Variants in RFX3 observed in about 807,000 individuals in gnomAD.
RFX3 encodes regulatory factor X3.
A neutral mutation model predicts 98.6 loss-of-function variants in RFX3; 14 were observed. That is an observed-to-expected ratio of 0.14 (90% CI 0.09 to 0.22). RFX3 has a LOEUF of 0.22. Ranked by LOEUF, RFX3 falls within the 10% of genes least tolerant of loss-of-function variation. The pLI is 1.00. For synonymous variants in RFX3, 383 were observed against 328.4 expected, an observed-to-expected ratio of 1.17 and a Z score of -1.80; for missense variants, 639 against 926.9, an observed-to-expected ratio of 0.69 and a Z score of 4.03.
Position 3,220,566 on chromosome 9 carries a change from C to G in RFX3, c.*4476G>C, listed in dbSNP as rs1156290303. The G allele has an allele frequency of 6.6e-6, 1 of 151,842 alleles. No individual in the cohort carries two copies. The highest frequency in any genetic ancestry group is 1.5e-5 in the Non-Finnish European group (1 of 67,980). The allele number at this position is 151,842 out of a possible 1,614,324, so 9.4% of individuals were successfully genotyped here. A position where few individuals can be genotyped will look rare whatever the true frequency, so the allele number is the denominator to read the frequency against. On this transcript the variant is annotated 3_prime_UTR_variant, in exon 17 of 17. Transcript: ENST00000617270. Reference sequence around the variant, plus strand: ...AATATTTGGGAATAAATATATCAAGCCCTCTTGAAGAAAAATTAAGAGTTG... The same window carrying G: ...AATATTTGGGAATAAATATATCAAGGCCTCTTGAAGAAAAATTAAGAGTTG...
intron 1 of RFX3, among the ~76,000 whole-genome samples, chr9:3,435,033 C>A (rs922643649): frequency 6.6e-6 from 1 of 151,408 alleles, no homozygotes; most frequent in Non-Finnish European, 1.5e-5. Flanking sequence ...AAAAATATGG[C>A]ATAAGAGATA....
chr9:3,445,385 C>T (rs1307884275), intron 1 of RFX3, among the ~76,000 whole-genome samples: 1 of 151,694 alleles, frequency 6.6e-6, no homozygotes, highest in East Asian at 1.9e-4. Context: ...ACATCTTGAA[C>T]ACATCAACTT....
intron 1 of RFX3, among the ~76,000 whole-genome samples, chr9:3,457,957 C>A (rs1248577445): frequency 1.3e-5 from 2 of 151,992 alleles, no homozygotes; most frequent in African/African-American, 4.8e-5. Context: ...GAGCAGAGTA[C>A]AGAGCAACTA....
chr9:3,511,648 C>G (rs1335896960), intron 1 of RFX3, among the ~76,000 whole-genome samples: 2 of 152,044 alleles, frequency 1.3e-5, no homozygotes, highest in Non-Finnish European at 2.9e-5. Context: ...AATGACTCAA[C>G]TGTTTACTCA....
chr9:3,294,040 C>T (rs890636457), intron 5 of RFX3, among the ~76,000 whole-genome samples: 3 of 152,032 alleles, frequency 2.0e-5, no homozygotes, highest in African/African-American at 7.2e-5. Flanking sequence ...ATCCTGTGTA[C>T]ATTACAAAAA....
At chr9:3,504,286 AAAAT>A (rs537097092) in intron 1 of RFX3, among the ~76,000 whole-genome samples, 4,482 of 108,948 alleles carry the variant, frequency 0.041, 259 homozygotes, top group African/African-American at 0.14. Context: ...TATAACATAT[AAAAT>A]ATATATTATA....
intron 2 of RFX3, among the ~76,000 whole-genome samples, chr9:3,351,542 A>T (rs1835129037): frequency 6.6e-6 from 1 of 151,972 alleles, no homozygotes; most frequent in Non-Finnish European, 1.5e-5. Flanking sequence ...CAAAATCTAG[A>T]CATATAATTG....
chr9:3,266,494 T>A (rs1218644204), intron 11 of RFX3, among the ~76,000 whole-genome samples, 189 bp from the exon 12 acceptor site: 1 of 152,096 alleles, frequency 6.6e-6, no homozygotes, highest in Non-Finnish European at 1.5e-5. Context: ...ATTTTGGGCT[T>A]TTTCTTTTAA....
chr9:3,322,924 CAATT>C (rs1310284687), intron 4 of RFX3, among the ~76,000 whole-genome samples: 1 of 152,190 alleles, frequency 6.6e-6, no homozygotes, highest in East Asian at 1.9e-4. Context: ...TTTGAAAGCA[CAATT>C]AAACATCACA....
Position 3,266,318 on chromosome 9 carries a change from G to A in RFX3, c.1358-13C>T. 6.4e-7 allele frequency: 1 copy of A among 1,558,032 alleles called. No individual in the cohort carries two copies. The highest frequency in any genetic ancestry group is 1.7e-4 in the Middle Eastern group (1 of 5,886). ...TGGGTCAAGGCACCTAAACATTAAA[G>A]AATAAAAGCAGGATAAAAAAAAGTA... is the stretch of plus-strand genomic sequence containing the variant. On this transcript the variant is annotated splice_polypyrimidine_tract_variant and intron_variant, in intron 11 of 16. Transcript: ENST00000617270.
chr9:3,511,925 T>C (rs1357503658), intron 1 of RFX3, among the ~76,000 whole-genome samples: 3 of 152,098 alleles, frequency 2.0e-5, no homozygotes, highest in Non-Finnish European at 4.4e-5. Context: ...TAATTTATTG[T>C]ACACTTTAAA....
At chr9:3,348,729 T>C (rs1421500190) in intron 2 of RFX3, among the ~76,000 whole-genome samples, 1 of 152,074 alleles carries the variant, frequency 6.6e-6, no homozygotes, top group African/African-American at 2.4e-5. Context: ...ATCCTTACGA[T>C]TCTCAGCTTT....
At chr9:3,358,471 G>A (rs1341996518) in intron 2 of RFX3, among the ~76,000 whole-genome samples, 1 of 152,076 alleles carries the variant, frequency 6.6e-6, no homozygotes, top group African/African-American at 2.4e-5. Context: ...ATAGATGCTG[G>A]CTAACTTGTC....
intron 2 of RFX3, among the ~76,000 whole-genome samples, chr9:3,391,403 C>G (rs1314166640): frequency 2.0e-5 from 3 of 152,098 alleles, no homozygotes; most frequent in Admixed American, 6.5e-5. Context: ...TAACAAGGGT[C>G]TCCAGGCAAA....
At position 3,336,743 on chromosome 9, in the gene RFX3, C is replaced by T. The variant is rs913822856; in HGVS notation, c.216-6226G>A. 4.6e-5 allele frequency among the ~76,000 whole-genome samples: 7 copies of T among 152,174 alleles called. No individual in the cohort carries two copies. In the East Asian group the frequency reaches 5.8e-4, roughly 13 times the overall value. ...GCAGTGTAAACAATTTTCTTAACTG[C>T]AGGCCATGATCCAGTAGTGGGCCAT... On this transcript the variant is annotated intron_variant, in intron 3 of 16. Transcript: ENST00000617270.
chr9:3,476,161 TACTC>T (rs1849233554), intron 1 of RFX3, among the ~76,000 whole-genome samples: 1 of 150,220 alleles, frequency 6.7e-6, no homozygotes, highest in Non-Finnish European at 1.5e-5. Flanking sequence ...TGATTAATGA[TACTC>T]ATATATAATA....
intron 1 of RFX3, among the ~76,000 whole-genome samples, chr9:3,448,143 G>A (rs1232857602): frequency 1.3e-5 from 2 of 151,344 alleles, no homozygotes; most frequent in Non-Finnish European, 2.9e-5. Flanking sequence ...GATTTACTCT[G>A]TAAACATAAA....
At chr9:3,352,907 T>C (rs541259175) in intron 2 of RFX3, among the ~76,000 whole-genome samples, 2 of 152,188 alleles carry the variant, frequency 1.3e-5, no homozygotes, top group East Asian at 1.9e-4. Flanking sequence ...CGTATGTTTA[T>C]TGCGGCACTA....
rs142929252 is a variant in RFX3, at chr9:3,471,054, G to A, written c.-9+54693C>T. Among the ~76,000 whole-genome samples the A allele has an allele frequency of 3.6e-3, 550 of 152,250 alleles. 3 individuals carry two copies. Among genetic ancestry groups the A allele is most frequent in the African/African-American group, 0.012 (517 of 41,554 alleles). On this transcript the variant is annotated intron_variant, in intron 1 of 16. Transcript: ENST00000617270. ...AATGTAATTCTCACAAATCTGTGATGTTGATTATTTTATACAGATGAGAGT... is the reference window on the plus strand; with the variant it reads ...AATGTAATTCTCACAAATCTGTGATATTGATTATTTTATACAGATGAGAGT...
Sources: allele counts gnomAD v4.1 joint callset (sites outside exome capture counted in the v4.1 genomes callset), GRCh38; gene constraint gnomAD v4.1.1; transcripts MANE v1.5; gene names NCBI Gene and HGNC (gene_info 2026-07-23, HGNC 2026-07-21).